Variants in PLCE1 observed in about 807,000 individuals in gnomAD.
PLCE1 encodes the protein phospholipase C epsilon 1.
Under a neutral mutation model 242.8 loss-of-function variants are expected in PLCE1, and 119 were observed. The ratio of observed to expected loss-of-function variants is 0.49; its 90% CI spans 0.42 to 0.57. The LOEUF is 0.57. PLCE1 is among the 20% of genes least tolerant of loss of function. PLCE1 has a pLI of 0.00. For missense variants in PLCE1, 2,441 were observed against 2,788.8 expected (o/e 0.88, Z 2.81); for synonymous variants, 945 against 1,017.4 (o/e 0.93, Z 1.35).
intron 3 of PLCE1, 133 bp from the exon 4 acceptor site, chr10:94,171,047 A>G (rs2047958053): frequency 1.3e-6 from 1 of 768,470 alleles, no homozygotes; most frequent in Non-Finnish European, 2.2e-6. Context: ...AAAAAGAAAA[A>G]TAGTACAGAA....
At chr10:94,139,713 A>C (rs183015030) in intron 3 of PLCE1, among the ~76,000 whole-genome samples, 1 of 140,804 alleles carries the variant, frequency 7.1e-6, no homozygotes, top group East Asian at 2.5e-4. Flanking sequence ...TTTCCTCCCC[A>C]GTTCTTAACT....
At chr10:94,127,308 T>C (rs1355724765) in intron 2 of PLCE1, among the ~76,000 whole-genome samples, 1 of 152,146 alleles carries the variant, frequency 6.6e-6, no homozygotes, top group Non-Finnish European at 1.5e-5. Flanking sequence ...CATGCATCTG[T>C]GGCAGCAGTT....
intron 11 of PLCE1, among the ~76,000 whole-genome samples, chr10:94,255,643 C>A (rs959352522): frequency 6.6e-6 from 1 of 152,128 alleles, no homozygotes; most frequent in Non-Finnish European, 1.5e-5. Flanking sequence ...AGTATCACAG[C>A]AAGTTGGATA....
In PLCE1 at chr10:94,321,935, A is replaced by G; in HGVS notation, c.6377A>G (p.Lys2126Arg). The G allele has an allele frequency of 1.2e-6, 2 of 1,613,664 alleles. No homozygotes were observed. The highest frequency in any genetic ancestry group is 1.7e-6 in the Non-Finnish European group (2 of 1,179,556). ...GAGAAAAACATTGTTCAAGATGACA[A>G]AGAGGTGATCTTGAGCTCAGAGGAG... ...LEEKNIVQDD[K>R]EVILSSEEES... Residue 2126 changes from lysine (K) to arginine (R), a missense_variant, in exon 30 of 33, where the codon AAA becomes AGA. Around this residue, in one of 5 missense-constraint regions of PLCE1, gnomAD observed 310 missense variants for 317.2 expected, o/e 0.98. Coordinates refer to ENST00000371380, the MANE Select transcript of PLCE1 (RefSeq NM_016341.4).
intron 32 of PLCE1, 57 bp from the exon 33 acceptor site, chr10:94,327,911 G>GTGTT (rs892917263): frequency 2.8e-4 from 141 of 505,376 alleles, no homozygotes; most frequent in African/African-American, 2.7e-3. Flanking sequence ...TATACCGCAA[G>GTGTT]TGTTTCTGTT....
chr10:94,322,315 T>C (rs1290679277), intron 30 of PLCE1, among the ~76,000 whole-genome samples: 2 of 151,614 alleles, frequency 1.3e-5, no homozygotes, highest in Non-Finnish European at 2.9e-5. Flanking sequence ...GACTGGCCAC[T>C]GCACTGCAGC....
At chr10:94,015,115 C>G (rs890791750) in intron 1 of PLCE1, among the ~76,000 whole-genome samples, 1 of 152,188 alleles carries the variant, frequency 6.6e-6, no homozygotes, top group Non-Finnish European at 1.5e-5. Flanking sequence ...TGGTACATAC[C>G]TCACCGCAGT....
In PLCE1 at chr10:94,031,210, C is replaced by T. The variant is rs373593384; in HGVS notation, c.164C>T (p.Ser55Leu). The T allele has an allele frequency of 6.8e-6, 11 of 1,613,634 alleles. No individual in the cohort carries two copies. Among genetic ancestry groups the T allele is most frequent in the Admixed American group, 1.7e-5 (1 of 59,952 alleles). The change falls in exon 2 of 33, where the codon TCA (serine) becomes TTA (leucine). Residue 55 changes from serine to leucine, a missense_variant. By Grantham distance (145) the Ser-to-Leu change is moderately radical (BLOSUM62 -2). Around this residue, in one of 5 missense-constraint regions of PLCE1, gnomAD observed 393 missense variants for 378.5 expected, o/e 1.04. Transcript: ENST00000371380. ...RRSGETSHTI[S>L]QLNKLKEEPS... is the part of the protein sequence containing the mutation. Reference sequence around the variant, plus strand: ...AGTGGGGAGACTTCTCATACCATCTCACAACTGAACAAACTTAAAGAAGAA... The same window carrying T: ...AGTGGGGAGACTTCTCATACCATCTTACAACTGAACAAACTTAAAGAAGAA...
rs569109411 is a variant in PLCE1, at chr10:94,224,107, T to C, written c.1810-3199T>C. ...ACAGATGTTGGGGTGTGTGTGCGTGTGTGTGTGTGTGTGTGGTGTGTCTGT... is the reference window on the plus strand; with the variant it reads ...ACAGATGTTGGGGTGTGTGTGCGTGCGTGTGTGTGTGTGTGGTGTGTCTGT... On this transcript the variant is annotated intron_variant, in intron 4 of 32. Transcript: ENST00000371380. Among the ~76,000 whole-genome samples the C allele has an allele frequency of 4.9e-3, 736 of 150,956 alleles. 1 individual carries two copies. The highest frequency in any genetic ancestry group is 0.016 in the African/African-American group (653 of 41,176).
At chr10:94,142,138 A>G (rs1465850261) in intron 3 of PLCE1, among the ~76,000 whole-genome samples, 2 of 152,112 alleles carry the variant, frequency 1.3e-5, no homozygotes, top group Non-Finnish European at 2.9e-5. Flanking sequence ...AGGTGATTGT[A>G]CCTCTAGGCT....
chr10:94,259,286 T>C (rs1014575068), intron 13 of PLCE1, 136 bp downstream of exon 13: 11 of 191,872 alleles, frequency 5.7e-5, no homozygotes, highest in African/African-American at 3.2e-4. Flanking sequence ...CTTAAGAGAA[T>C]TTTTTTTTTT....
At chr10:94,123,893 AG>A (rs1408726993) in intron 2 of PLCE1, among the ~76,000 whole-genome samples, 1 of 152,186 alleles carries the variant, frequency 6.6e-6, no homozygotes, top group African/African-American at 2.4e-5. Context: ...TTTCTAGCTC[AG>A]GGCACTTTAA....
chr10:94,101,599 C>T (rs2045538747), intron 2 of PLCE1, among the ~76,000 whole-genome samples: 1 of 152,176 alleles, frequency 6.6e-6, no homozygotes, highest in Non-Finnish European at 1.5e-5. Context: ...ACAAGTGACA[C>T]AGGTGACCTC....
rs970177549 is a variant in PLCE1 at position 94,171,310 on chromosome 10, G to A, written c.1623G>A (p.Glu541=). The A allele has an allele frequency of 2.5e-6, 4 of 1,614,066 alleles. No homozygotes were observed. The highest frequency in any genetic ancestry group is 3.3e-5 in the Admixed American group (2 of 60,000). Reference sequence around the variant, plus strand: ...AGGAAGTCGCCAGCATCCTGATGGAGCAAGAGCAGACTATTTACCGCAGGG... The same window carrying A: ...AGGAAGTCGCCAGCATCCTGATGGAACAAGAGCAGACTATTTACCGCAGGG... ...FPEEVASILM[E]QEQTIYRRVL... The change falls in exon 4 of 33, where the codon GAG becomes GAA. Residue 541 remains glutamate (E), a synonymous_variant. Coordinates refer to ENST00000371380, the MANE Select transcript of PLCE1 (RefSeq NM_016341.4).
intron 15 of PLCE1, 31 bp from the exon 16 acceptor site, chr10:94,265,762 A>G (rs995606683): frequency 1.9e-6 from 3 of 1,613,892 alleles, no homozygotes; most frequent in Non-Finnish European, 2.5e-6. Flanking sequence ...CATTTTTCCC[A>G]TGCAGTCTTA....
Position 94,293,499 on chromosome 10 carries a change from T to C in PLCE1, c.5036-9T>C, listed in dbSNP as rs767937617. 1.3e-5 allele frequency: 21 copies of C among 1,612,910 alleles called. No individual in the cohort carries two copies. Among genetic ancestry groups the C allele is most frequent in the Non-Finnish European group, 1.7e-5 (20 of 1,179,322 alleles). ...TTTTGGCTTATTTATTTTCATTTTA[T>C]GGGAACAGGACTGTCAACTCTAAAT... is the stretch of plus-strand genomic sequence containing the variant. On this transcript the variant is annotated splice_polypyrimidine_tract_variant and intron_variant, in intron 22 of 32. Transcript: ENST00000371380.
intron 1 of PLCE1, among the ~76,000 whole-genome samples, chr10:94,005,645 T>A (rs2061020919): frequency 6.6e-6 from 1 of 152,216 alleles, no homozygotes; most frequent in Non-Finnish European, 1.5e-5. Context: ...TCGGGTTGGC[T>A]GGGTAGCATC....
At chr10:94,136,756 G>T (rs746623106) in intron 3 of PLCE1, among the ~76,000 whole-genome samples, 1 of 152,148 alleles carries the variant, frequency 6.6e-6, no homozygotes, top group Non-Finnish European at 1.5e-5. Context: ...AAAGCTGAAG[G>T]TTTGCCAAAT....
chr10:94,293,888 C>G (rs1245584030), intron 23 of PLCE1, among the ~76,000 whole-genome samples: 2 of 152,148 alleles, frequency 1.3e-5, no homozygotes, highest in Non-Finnish European at 2.9e-5. Flanking sequence ...AGGTGGATCA[C>G]TTGAGGTCAG....
Sources: gnomAD v4.1 joint callset for allele counts (sites outside exome capture counted in the v4.1 genomes callset) on GRCh38, gnomAD v4.1.1 for gene constraint, gnomAD v4.1.1 regional missense constraint, MANE v1.5 for transcripts, NCBI Gene and HGNC (gene_info 2026-07-23, HGNC 2026-07-21) for gene names.